Variants in CHKA observed in about 807,000 individuals in gnomAD.
CHKA encodes the protein CHETK-alpha.
CHKA carries 34 observed loss-of-function variants against 60.1 expected under a neutral mutation model. The ratio of observed to expected loss-of-function variants is 0.57; its 90% CI spans 0.43 to 0.75. The LOEUF (loss-of-function observed/expected upper bound fraction) is 0.75. Among genes scored for constraint, CHKA ranks in the 30% least tolerant of loss-of-function variants. The probability of loss-of-function intolerance (pLI) is 0.00; values close to 1 mark genes in which losing one functional copy is unlikely to be tolerated. For synonymous variants in CHKA, 217 were observed against 223.1 expected, an observed-to-expected ratio of 0.97 and a Z score of 0.24; for missense variants, 563 against 561.3, an observed-to-expected ratio of 1.00 and a Z score of -0.03.
chr11:68,069,641 G>A (rs1176236502), intron 6 of CHKA, among the ~76,000 whole-genome samples: 9 of 150,154 alleles, frequency 6.0e-5, no homozygotes, highest in Non-Finnish European at 1.3e-4. Context: ...TCAAGATCGC[G>A]CCACTGCACT....
At chr11:68,071,008 TACAG>T (rs1319398688) in intron 4 of CHKA, 151 bp from the exon 5 acceptor site, 3 of 701,688 alleles carry the variant, frequency 4.3e-6, no homozygotes, top group African/African-American at 1.8e-5. Flanking sequence ...ACTGTGTCCC[TACAG>T]ACAGTGACCC....
intron 1 of CHKA, among the ~76,000 whole-genome samples, chr11:68,111,928 C>T (rs1858159694): frequency 1.3e-5 from 2 of 151,648 alleles, no homozygotes; most frequent in South Asian, 4.2e-4. Flanking sequence ...TGACGCATGC[C>T]TGTAATCCCA....
chr11:68,077,624 C>A (rs1008723793), intron 3 of CHKA, among the ~76,000 whole-genome samples: 1 of 152,162 alleles, frequency 6.6e-6, no homozygotes, highest in African/African-American at 2.4e-5. Flanking sequence ...GCCAGGGAAC[C>A]AACAAAGAAC....
In CHKA at chr11:68,106,874, C is replaced by T. The variant is rs1857933603; in HGVS notation, c.351-9744G>A. Among the ~76,000 whole-genome samples, 3 of 152,162 alleles carry T rather than the reference C, an allele frequency of 2.0e-5. No individual in the cohort carries two copies. In the South Asian group the frequency reaches 6.2e-4, roughly 32 times the overall value. ...CATTCTTTGCTGAGGGGCAAAGCTG[C>T]CCTGTGTACTGCAGGAATGTTTAGC... On this transcript the variant is annotated intron_variant, in intron 1 of 11. Coordinates refer to ENST00000265689, the MANE Select transcript of CHKA (RefSeq NM_001277.3).
At chr11:68,099,863 T>G (rs1342686169) in intron 1 of CHKA, among the ~76,000 whole-genome samples, 1 of 152,238 alleles carries the variant, frequency 6.6e-6, no homozygotes, top group Non-Finnish European at 1.5e-5. Flanking sequence ...TTTACCCCCG[T>G]ACTGCTAAAG....
intron 1 of CHKA, among the ~76,000 whole-genome samples, chr11:68,114,077 T>C (rs1858288289): frequency 1.3e-5 from 2 of 151,910 alleles, no homozygotes; most frequent in Non-Finnish European, 2.9e-5. Flanking sequence ...CACCACCAAA[T>C]GCTAGTAAGG....
chr11:68,071,646 C>T (rs964541231), intron 4 of CHKA, among the ~76,000 whole-genome samples: 1 of 152,210 alleles, frequency 6.6e-6, no homozygotes, highest in African/African-American at 2.4e-5. Context: ...AGTGAATGCT[C>T]CCAACTCAGG....
chr11:68,072,560 A>G (rs1856653830), intron 4 of CHKA, among the ~76,000 whole-genome samples: 1 of 151,818 alleles, frequency 6.6e-6, no homozygotes, highest in South Asian at 2.1e-4. Context: ...TAAAAAAAAA[A>G]AAAAAAAAAA....
intron 2 of CHKA, among the ~76,000 whole-genome samples, chr11:68,085,602 G>A (rs1857153431): frequency 6.6e-6 from 1 of 152,098 alleles, no homozygotes; most frequent in African/African-American, 2.4e-5. Flanking sequence ...TAGCTATGGA[G>A]TAAAATGAGA....
In CHKA at chr11:68,053,891, T is replaced by G; in HGVS notation, c.*97A>C. The G allele has an allele frequency of 1.0e-6, 1 of 985,240 alleles. No individual in the cohort carries two copies. Among genetic ancestry groups the G allele is most frequent in the East Asian group, 2.5e-5 (1 of 39,530 alleles). 61.0% of individuals were successfully genotyped at this position (985,240 alleles called of 1,614,324 possible). A position where few individuals can be genotyped will look rare whatever the true frequency, so the allele number is the denominator to read the frequency against. On this transcript the variant is annotated 3_prime_UTR_variant, in exon 12 of 12. Transcript: ENST00000265689. ...GTTCAGTAGTGAGCCACCCAAAGCC[T>G]CCTGCCACAGGAGCAGTAGTCGAAG...
At chr11:68,074,932 T>C (rs1856739142) in intron 3 of CHKA, 102 bp from the exon 4 acceptor site, 1 of 984,912 alleles carries the variant, frequency 1.0e-6, no homozygotes, top group Admixed American at 2.0e-5. Flanking sequence ...CTCATGAGTA[T>C]TCTTTCACGT....
At chr11:68,102,373 T>C (rs1429067102) in intron 1 of CHKA, among the ~76,000 whole-genome samples, 1 of 152,088 alleles carries the variant, frequency 6.6e-6, no homozygotes, top group African/African-American at 2.4e-5. Flanking sequence ...GAGACCAATA[T>C]AACAGAATAA....
chr11:68,070,353 T>C (rs1856574329), intron 5 of CHKA, 60 bp from the exon 6 acceptor site: 1 of 1,226,662 alleles, frequency 8.2e-7, no homozygotes, highest in Non-Finnish European at 1.2e-6. Flanking sequence ...TCACCAAGGC[T>C]TGCTGTTCTT....
intron 4 of CHKA, among the ~76,000 whole-genome samples, chr11:68,072,638 A>C (rs185911145): frequency 1.3e-3 from 195 of 152,214 alleles, no homozygotes; most frequent in Middle Eastern, 3.4e-3. Context: ...TTGGTCAAAA[A>C]CAGTCAAACA....
rs57972693 is a variant in CHKA, at chr11:68,098,271, CA to C, written c.351-1142del. Among the ~76,000 whole-genome samples, 804 of 120,664 alleles carry C rather than the reference CA, an allele frequency of 6.7e-3. 3 individuals carry two copies. The highest frequency in any genetic ancestry group is 0.01 in the Non-Finnish European group (608 of 59,124). The allele number at this position is 120,664 out of a possible 152,430, so 79.2% of individuals were successfully genotyped here. On this transcript the variant is annotated intron_variant, in intron 1 of 11. Coordinates refer to ENST00000265689, the MANE Select transcript of CHKA (RefSeq NM_001277.3). Reference sequence around the variant, plus strand: ...GGGCGACAGAGTGAGACTCCTATCTCAAAAAAAAAAAAAAAAAAAAAGAAAA... The same window carrying C: ...GGGCGACAGAGTGAGACTCCTATCTCAAAAAAAAAAAAAAAAAAAAGAAAA...
At chr11:68,057,318 C>T (rs1014965415) in intron 11 of CHKA, among the ~76,000 whole-genome samples, 4 of 152,050 alleles carry the variant, frequency 2.6e-5, no homozygotes, top group Non-Finnish European at 5.9e-5. Flanking sequence ...GGTCAGTAAG[C>T]TTTTCTTTTT....
chr11:68,121,218 G>T lies in CHKA; in HGVS notation c.-41C>A. 8.8e-7 allele frequency: 1 copy of T among 1,138,130 alleles called. No homozygotes were observed. Among genetic ancestry groups the T allele is most frequent in the Non-Finnish European group, 1.1e-6 (1 of 928,222 alleles). The allele number at this position is 1,138,130 out of a possible 1,614,324, so 70.5% of individuals were successfully genotyped here. On this transcript the variant is annotated 5_prime_UTR_variant, in exon 1 of 12. Transcript: ENST00000265689. ...GAGGAGGCGCGGGCGGCCGCAGCGC[G>T]AGAGGACTAGGCTCAGAGTCCGGCC...
intron 1 of CHKA, among the ~76,000 whole-genome samples, chr11:68,106,079 A>C (rs1172971964): frequency 6.6e-6 from 1 of 152,068 alleles, no homozygotes; most frequent in Non-Finnish European, 1.5e-5. Context: ...GGAAAATAAG[A>C]AAAAAAAGCA....
rs1308530860 is a variant in CHKA, at chr11:68,120,996, G to A, written c.182C>T (p.Pro61Leu). The A allele has an allele frequency of 2.7e-6, 3 of 1,115,746 alleles. No homozygotes were observed. The highest frequency in any genetic ancestry group is 5.0e-5 in the East Asian group (1 of 20,102). The allele number at this position is 1,115,746 out of a possible 1,614,324, so 69.1% of individuals were successfully genotyped here. A position where few individuals can be genotyped will look rare whatever the true frequency, so the allele number is the denominator to read the frequency against. ...CAGCGGCAGCGGCAGCGGCAGCGGC[G>A]GCGGAGGGGGCAGCGCGAGCGGCGG... ...QQPPLALPPP[P>L]PLPLPLPLPQ... Residue 61 changes from proline (P) to leucine (L), a missense_variant, in exon 1 of 12, where the codon CCG (proline) becomes CTG (leucine). By Grantham distance (98) the Pro-to-Leu change is moderately conservative. Transcript: ENST00000265689.
Sources: gnomAD v4.1 joint callset for allele counts (sites outside exome capture counted in the v4.1 genomes callset) on GRCh38, gnomAD v4.1.1 for gene constraint, MANE v1.5 for transcripts, NCBI Gene and HGNC (gene_info 2026-07-23, HGNC 2026-07-21) for gene names.